Variants in ASTN1 observed in about 807,000 individuals in gnomAD.
The protein encoded by ASTN1 is astrotactin 1, also known as astrotactin-1.
In ASTN1, 41 loss-of-function variants were observed where a neutral mutation model predicts 140.7. That is an observed-to-expected ratio of 0.29 (90% CI 0.23 to 0.38). The LOEUF (loss-of-function observed/expected upper bound fraction) is 0.38, where lower values mean the gene tolerates loss of function less well. Among genes scored for constraint, ASTN1 ranks in the 10% least tolerant of loss-of-function variants. The pLI, the probability that ASTN1 is intolerant of heterozygous loss-of-function variation, is 1.00. For synonymous variants in ASTN1, 640 were observed against 652.2 expected (o/e 0.98, Z 0.29); for missense variants, 1,479 against 1,678.8 (o/e 0.88, Z 2.08).
intron 18 of ASTN1, 85 bp downstream of exon 18, chr1:176,887,986 C>T: frequency 6.4e-7 from 1 of 1,570,382 alleles, no homozygotes; most frequent in Non-Finnish European, 8.7e-7. Flanking sequence ...CTTTGTTTCC[C>T]AGTACCCAGC....
intron 2 of ASTN1, among the ~76,000 whole-genome samples, chr1:177,045,610 C>T (rs764328266): frequency 4.6e-5 from 7 of 152,198 alleles, no homozygotes; most frequent in Non-Finnish European, 1.0e-4. Flanking sequence ...TGATACATCA[C>T]CCAGAGGATA....
At chr1:176,935,558 A>T (rs569573358) in intron 15 of ASTN1, among the ~76,000 whole-genome samples, 3 of 152,296 alleles carry the variant, frequency 2.0e-5, no homozygotes, top group South Asian at 4.1e-4. Flanking sequence ...ATCTTTATGC[A>T]CAAAACTTTA....
chr1:177,063,690 T>C (rs1387166234), intron 1 of ASTN1, among the ~76,000 whole-genome samples: 1 of 152,106 alleles, frequency 6.6e-6, no homozygotes, highest in African/African-American at 2.4e-5. Flanking sequence ...TACTCATGCC[T>C]TCAAATCAAA....
intron 1 of ASTN1, among the ~76,000 whole-genome samples, chr1:177,150,658 T>C (rs1417302431): frequency 6.6e-6 from 1 of 152,030 alleles, no homozygotes; most frequent in Non-Finnish European, 1.5e-5. Flanking sequence ...CGTTGAAGAA[T>C]TTTTAGGGAT....
chr1:176,970,590 G>GGT (rs1209072180), intron 8 of ASTN1, among the ~76,000 whole-genome samples: 2 of 150,210 alleles, frequency 1.3e-5, no homozygotes, highest in Admixed American at 6.6e-5. Flanking sequence ...TAGGTAGGTA[G>GGT]ATAGATAGAT....
intron 1 of ASTN1, among the ~76,000 whole-genome samples, chr1:177,163,970 AGGTG>A (rs1295945847): frequency 6.6e-6 from 1 of 152,176 alleles, no homozygotes; most frequent in African/African-American, 2.4e-5. Flanking sequence ...GAAGTGCTGT[AGGTG>A]GGTGTGGGTA....
rs745746427 is a variant in ASTN1, at chr1:177,030,953, C to T, written c.866-1G>A. 1 of 1,609,438 alleles carries T rather than the reference C, an allele frequency of 6.2e-7. No homozygotes were observed. Among genetic ancestry groups the T allele is most frequent in the South Asian group, 1.1e-5 (1 of 90,434 alleles). On this transcript the variant is annotated splice_acceptor_variant, in intron 3 of 22. Transcript: ENST00000361833. LOFTEE classifies it high-confidence loss of function. The stretch of plus-strand genomic sequence containing the variant: ...AGTGACAGCTTGGCATTGTCACTTC[C>T]TGTATAAGGAAAAGACGAGGCAAAA...
chr1:176,878,207 CCTCCTGCAGGA>C (rs1276845245), intron 20 of ASTN1, among the ~76,000 whole-genome samples: 2 of 152,202 alleles, frequency 1.3e-5, no homozygotes, highest in African/African-American at 4.8e-5. Flanking sequence ...CACCTGCTGG[CCTCCTGCAGGA>C]CTCCTGCCCC....
intron 16 of ASTN1, among the ~76,000 whole-genome samples, chr1:176,898,177 G>A (rs140481838): frequency 0.016 from 2,404 of 152,354 alleles, 28 homozygotes; most frequent in Middle Eastern, 0.031. Context: ...AGATTAGGGA[G>A]TAGAGAGGAA....
chr1:176,945,787 A>C, intron 13 of ASTN1, 139 bp downstream of exon 13: 1 of 767,444 alleles, frequency 1.3e-6, no homozygotes. Context: ...GAGAAGACCA[A>C]GGGTAAGAAT....
chr1:176,888,288 T>G (rs983841556), intron 17 of ASTN1, 84 bp from the exon 18 acceptor site: 9 of 1,500,444 alleles, frequency 6.0e-6, no homozygotes, highest in Non-Finnish European at 8.2e-6. Flanking sequence ...GTCAAGGATC[T>G]GCATGGCCCT....
rs141872502 is a variant in ASTN1, at chr1:176,868,500, C to A, written c.3647+344G>T. Among the ~76,000 whole-genome samples, 379 of 152,324 alleles carry A rather than the reference C, an allele frequency of 2.5e-3. 1 individual carries two copies. The highest frequency in any genetic ancestry group is 8.1e-3 in the African/African-American group (338 of 41,574). On this transcript the variant is annotated intron_variant, in intron 22 of 22. Coordinates refer to ENST00000361833, the MANE Select transcript of ASTN1 (RefSeq NM_004319.3). The stretch of plus-strand genomic sequence containing the variant: ...TGCAAAAAAAATTTTTAGATATCCT[C>A]TTTAATAAAATTCCAAATTTCCTTT...
In ASTN1 at chr1:177,162,858, T is replaced by C. The variant is rs1571869974; in HGVS notation, c.283+1536A>G. ...GAGCGGCATATCCACAATGCTCCCA[T>C]TTCCAGCTAGTCCCCAGTTTTTATT... On this transcript the variant is annotated intron_variant, in intron 1 of 22. Coordinates refer to ENST00000361833, the MANE Select transcript of ASTN1 (RefSeq NM_004319.3). Among the ~76,000 whole-genome samples, 3 of 152,218 alleles carry C rather than the reference T, an allele frequency of 2.0e-5. No homozygotes were observed. The East Asian group carries it at 5.8e-4, about 29-fold the overall frequency.
intron 1 of ASTN1, among the ~76,000 whole-genome samples, chr1:177,151,124 C>T (rs1683012022): frequency 6.6e-6 from 1 of 151,970 alleles, no homozygotes; most frequent in South Asian, 2.1e-4. Context: ...CAGAAGATTA[C>T]CAAGCCAAAG....
chr1:176,992,603 T>C (rs971948820), intron 8 of ASTN1, among the ~76,000 whole-genome samples: 15 of 152,206 alleles, frequency 9.9e-5, no homozygotes, highest in African/African-American at 3.6e-4. Context: ...CTTGTCTCCC[T>C]TCCTTTCTTT....
chr1:177,092,742 C>A (rs889894468), intron 1 of ASTN1, among the ~76,000 whole-genome samples: 2 of 152,126 alleles, frequency 1.3e-5, no homozygotes, highest in African/African-American at 4.8e-5. Flanking sequence ...GTTGTCCCAG[C>A]ACTTTTTTTG....
Position 176,861,679 on chromosome 1 carries a change from T to A in ASTN1, c.*2605A>T. 1.0e-6 allele frequency: 1 copy of A among 985,364 alleles called. No individual in the cohort carries two copies. Among genetic ancestry groups the A allele is most frequent in the Non-Finnish European group, 1.2e-6 (1 of 829,926 alleles). 61.0% of individuals were successfully genotyped at this position (985,364 alleles called of 1,614,324 possible). On this transcript the variant is annotated 3_prime_UTR_variant, in exon 23 of 23. Transcript: ENST00000361833. The stretch of plus-strand genomic sequence containing the variant: ...TCATAGGAGTTGTGTGCATTGTGTG[T>A]GCACACGTGTGTGTGTGTGTACATA...
chr1:176,965,831 G>C (rs1002215428), intron 8 of ASTN1, among the ~76,000 whole-genome samples: 1 of 152,164 alleles, frequency 6.6e-6, no homozygotes, highest in Non-Finnish European at 1.5e-5. Context: ...AGAGGATTCT[G>C]GGTCTTTGAT....
intron 1 of ASTN1, among the ~76,000 whole-genome samples, chr1:177,140,428 A>C (rs1042218078): frequency 2.0e-5 from 3 of 152,216 alleles, no homozygotes; most frequent in African/African-American, 7.2e-5. Flanking sequence ...GAATAAAATA[A>C]TCTTCTAAGT....
Sources: allele counts gnomAD v4.1 joint callset (sites outside exome capture counted in the v4.1 genomes callset), GRCh38; gene constraint gnomAD v4.1.1; transcripts MANE v1.5; gene names NCBI Gene and HGNC (gene_info 2026-07-23, HGNC 2026-07-21).